Variants in ZCRB1 observed in about 807,000 individuals in gnomAD.
ZCRB1 encodes the protein zinc finger CCHC-type and RNA-binding motif-containing protein 1.
Under a neutral mutation model 29.9 loss-of-function variants are expected in ZCRB1, and 21 were observed. The ratio of observed to expected loss-of-function variants is 0.70; its 90% CI spans 0.50 to 1.01. The LOEUF is 1.01. Among genes scored for constraint, ZCRB1 ranks in the 50% least tolerant of loss-of-function variants. The probability of loss-of-function intolerance (pLI) is 0.00; values close to 1 mark genes in which losing one functional copy is unlikely to be tolerated. For missense variants in ZCRB1, 204 were observed against 253.3 expected, an observed-to-expected ratio of 0.81 and a Z score of 1.32; for synonymous variants, 77 against 80.0, an observed-to-expected ratio of 0.96 and a Z score of 0.20.
intron 3 of ZCRB1, among the ~76,000 whole-genome samples, chr12:42,319,373 T>A (rs1656662739): frequency 1.3e-5 from 2 of 152,208 alleles, no homozygotes; most frequent in Admixed American, 1.3e-4. Flanking sequence ...TCAAAAATCT[T>A]TGGTTCTGTA....
Position 42,312,830 on chromosome 12 carries a change from G to C in ZCRB1, c.*237C>G, listed in dbSNP as rs1004214107. 3.5e-6 allele frequency: 1 copy of C among 284,696 alleles called. No individual in the cohort carries two copies. The highest frequency in any genetic ancestry group is 6.2e-6 in the Non-Finnish European group (1 of 161,632). 17.6% of individuals were successfully genotyped at this position (284,696 alleles called of 1,614,324 possible). ...GTAACAATAAATCATTCAACTTTTC[G>C]GTCTTCAGGAAGTTTGTTTTAAGGA... On this transcript the variant is annotated 3_prime_UTR_variant, in exon 8 of 8. Coordinates refer to ENST00000266529, the MANE Select transcript of ZCRB1 (RefSeq NM_033114.4).
At chr12:42,322,135 A>G (rs1469014033) in intron 3 of ZCRB1, among the ~76,000 whole-genome samples, 1 of 152,186 alleles carries the variant, frequency 6.6e-6, no homozygotes, top group African/African-American at 2.4e-5. Flanking sequence ...ATATTTGTTT[A>G]CCATTAGCTA....
rs77257096 is a variant in ZCRB1 at position 42,320,155 on chromosome 12, T to A, written c.114-2257A>T. On this transcript the variant is annotated intron_variant, in intron 3 of 7. Coordinates refer to ENST00000266529, the MANE Select transcript of ZCRB1 (RefSeq NM_033114.4). ...TCCTAATATAAGGTATATGATGTAC[T>A]TATTTAAGCACATAATATGAAGCAT... is the stretch of plus-strand genomic sequence containing the variant. Among the ~76,000 whole-genome samples, 10 of 152,344 alleles carry A rather than the reference T, an allele frequency of 6.6e-5. 1 individual carries two copies. The East Asian group carries it at 1.9e-3, about 29-fold the overall frequency.
chr12:42,314,227 T>A (rs1173497526), intron 5 of ZCRB1, among the ~76,000 whole-genome samples: 1 of 151,902 alleles, frequency 6.6e-6, no homozygotes, highest in Non-Finnish European at 1.5e-5. Context: ...GTAGTGGTAG[T>A]AGTCTTCTTT....
At chr12:42,323,857 C>T (rs745805936) in intron 2 of ZCRB1, 162 bp downstream of exon 2, 3 of 627,100 alleles carry the variant, frequency 4.8e-6, no homozygotes, top group Non-Finnish European at 5.5e-6. Flanking sequence ...CTGCAGTGAG[C>T]CATGATAGTG....
At position 42,326,037 on chromosome 12, in the gene ZCRB1, G is replaced by C. The variant is rs1380875565; in HGVS notation, c.-116C>G. Reference sequence around the variant, plus strand: ...GCGGCCTTGGCATCACGAGTCCTGGGAGGGGTCAGGCGCGGAGAGCAGATA... The same window carrying C: ...GCGGCCTTGGCATCACGAGTCCTGGCAGGGGTCAGGCGCGGAGAGCAGATA... On this transcript the variant is annotated 5_prime_UTR_variant, in exon 1 of 8. Transcript: ENST00000266529. The C allele has an allele frequency of 6.6e-6, 1 of 152,364 alleles. No individual in the cohort carries two copies. The highest frequency in any genetic ancestry group is 6.5e-5 in the Admixed American group (1 of 15,292). The allele number at this position is 152,364 out of a possible 1,614,324, so 9.4% of individuals were successfully genotyped here. A position where few individuals can be genotyped will look rare whatever the true frequency, so the allele number is the denominator to read the frequency against.
chr12:42,316,485 T>C (rs1483317427), intron 5 of ZCRB1, among the ~76,000 whole-genome samples: 4 of 151,868 alleles, frequency 2.6e-5, no homozygotes. Context: ...ATACAGACCT[T>C]ATACAAAATT....
chr12:42,319,636 T>C (rs1403462327), intron 3 of ZCRB1, among the ~76,000 whole-genome samples: 1 of 152,220 alleles, frequency 6.6e-6, no homozygotes, highest in African/African-American at 2.4e-5. Context: ...TGTGTCAGTT[T>C]CTAATAGCTT....
intron 3 of ZCRB1, 68 bp downstream of exon 3, chr12:42,322,349 TA>T (rs954520451): frequency 1.3e-5 from 18 of 1,347,316 alleles, no homozygotes; most frequent in Admixed American, 2.9e-5. Flanking sequence ...AATCTGTCAT[TA>T]AAAAAATGTA....
At chr12:42,315,508 T>C (rs1380081378) in intron 5 of ZCRB1, among the ~76,000 whole-genome samples, 2 of 151,916 alleles carry the variant, frequency 1.3e-5, no homozygotes, top group Non-Finnish European at 2.9e-5. Flanking sequence ...GGAATAATAT[T>C]ATAGCAAAAA....
chr12:42,314,777 C>A (rs897900907), intron 5 of ZCRB1, among the ~76,000 whole-genome samples: 7 of 151,940 alleles, frequency 4.6e-5, no homozygotes, highest in Admixed American at 4.6e-4. Context: ...CATGGGGAAA[C>A]CCTGTCTCTA....
chr12:42,318,911 T>G (rs1257573792), intron 3 of ZCRB1, among the ~76,000 whole-genome samples: 1 of 151,760 alleles, frequency 6.6e-6, no homozygotes, highest in East Asian at 1.9e-4. Context: ...ACAGAGAAGG[T>G]AGGAATTTAT....
chr12:42,322,828 T>G (rs943111106), intron 2 of ZCRB1, among the ~76,000 whole-genome samples: 3 of 152,220 alleles, frequency 2.0e-5, no homozygotes, highest in African/African-American at 7.2e-5. Context: ...GGAGCAGCAC[T>G]TTTCCAATTC....
chr12:42,312,925 A>C lies in ZCRB1; in HGVS notation c.*142T>G. 1.1e-6 allele frequency: 1 copy of C among 942,688 alleles called. No individual in the cohort carries two copies. Among genetic ancestry groups the C allele is most frequent in the Non-Finnish European group, 1.4e-6 (1 of 717,100 alleles). 58.4% of individuals were successfully genotyped at this position (942,688 alleles called of 1,614,324 possible). ...GCCCTTATAATGAACTTTTCAAATA[A>C]ATTTTTAAAATATCTTTTTTCTTGG... On this transcript the variant is annotated 3_prime_UTR_variant, in exon 8 of 8. Transcript: ENST00000266529.
chr12:42,313,263 A>AT, intron 7 of ZCRB1, 65 bp from the exon 8 acceptor site: 1 of 1,513,082 alleles, frequency 6.6e-7, no homozygotes, highest in African/African-American at 1.4e-5. Flanking sequence ...TCATTAATTC[A>AT]AAACATGGCA....
intron 3 of ZCRB1, 43 bp from the exon 4 acceptor site, chr12:42,317,941 T>G (rs2068602844): frequency 1.4e-6 from 2 of 1,465,720 alleles, no homozygotes; most frequent in South Asian, 2.4e-5. Context: ...CAGCAATAAA[T>G]AAAACAGATA....
In ZCRB1 at chr12:42,315,596, GT is replaced by G. The variant is rs1011030762; in HGVS notation, c.334-1611del. On this transcript the variant is annotated intron_variant, in intron 5 of 7. Transcript: ENST00000266529. ...AACCAGGCTAGGTCAATATAAAAAA[GT>G]TTTTTTTGGAGGGAGGGAAATTAAA... Among the ~76,000 whole-genome samples, 3 of 151,756 alleles carry G rather than the reference GT, an allele frequency of 2.0e-5. No homozygotes were observed. In the East Asian group the frequency reaches 5.8e-4, roughly 30 times the overall value.
chr12:42,314,833 T>A (rs932618934), intron 5 of ZCRB1, among the ~76,000 whole-genome samples: 14 of 152,028 alleles, frequency 9.2e-5, no homozygotes, highest in Admixed American at 8.5e-4. Flanking sequence ...ATGCCTGTAA[T>A]CCCAGCTACT....
At chr12:42,322,379 C>A in intron 3 of ZCRB1, 39 bp downstream of exon 3, 2 of 1,428,428 alleles carry the variant, frequency 1.4e-6, no homozygotes, top group Non-Finnish European at 1.9e-6. Context: ...TTCAGATAAA[C>A]TTTTAAATGA....
Sources: allele counts gnomAD v4.1 joint callset (sites outside exome capture counted in the v4.1 genomes callset), GRCh38; gene constraint gnomAD v4.1.1; transcripts MANE v1.5; gene names NCBI Gene and HGNC (gene_info 2026-07-23, HGNC 2026-07-21).